Variants in FAM167A observed in about 807,000 individuals in gnomAD.
The protein encoded by FAM167A is protein FAM167A.
In FAM167A, 23 loss-of-function variants were observed where a neutral mutation model predicts 14.9. The observed-to-expected ratio is 1.55, with a 90% CI of 1.11 to 2.19. FAM167A has a LOEUF of 2.19. FAM167A is among the 30% of genes most tolerant of loss of function. The pLI is 0.00. For missense variants in FAM167A, 401 were observed against 281.5 expected (o/e 1.42, Z -3.04); for synonymous variants, 174 against 117.7 (o/e 1.48, Z -3.10).
At chr8:11,435,028 T>TC (rs778546205) in intron 2 of FAM167A, 4 of 456,614 alleles carry the variant, frequency 8.8e-6, no homozygotes, top group South Asian at 1.5e-5. Context: ...CCTGCCTGCC[T>TC]CCCCCCCTCA....
At chr8:11,474,995 T>A (rs1241626200) in intron 1 of FAM167A, among the ~76,000 whole-genome samples, 1 of 152,110 alleles carries the variant, frequency 6.6e-6, no homozygotes, top group East Asian at 1.9e-4. Context: ...AGCAGCCAAG[T>A]GTCCTGGAGT....
At chr8:11,454,190 T>C (rs539113346) in intron 1 of FAM167A, among the ~76,000 whole-genome samples, 53 of 152,326 alleles carry the variant, frequency 3.5e-4, no homozygotes, top group African/African-American at 1.2e-3. Flanking sequence ...GGGTTGCCCA[T>C]GGCTCTGCTG....
intron 1 of FAM167A, chr8:11,445,246 A>G: frequency 2.0e-6 from 2 of 985,330 alleles, no homozygotes; most frequent in Non-Finnish European, 2.4e-6. Flanking sequence ...GGGTCCCCAG[A>G]GCCAGCCAGC....
rs1804973239 is a variant in FAM167A at position 11,424,297 on chromosome 8, C to G, written c.*76G>C. On this transcript the variant is annotated 3_prime_UTR_variant, in exon 3 of 3. Coordinates refer to ENST00000284486, the MANE Select transcript of FAM167A (RefSeq NM_053279.3). ...GCCTCCGGGAGACCCACTGGAGTAACTTGGCCTCAGCTTCCTCTGACACCC... is the reference window on the plus strand; with the variant it reads ...GCCTCCGGGAGACCCACTGGAGTAAGTTGGCCTCAGCTTCCTCTGACACCC... 1.3e-6 allele frequency: 2 copies of G among 1,584,820 alleles called. No individual in the cohort carries two copies. The highest frequency in any genetic ancestry group is 1.7e-6 in the Non-Finnish European group (2 of 1,163,012).
intron 1 of FAM167A, among the ~76,000 whole-genome samples, chr8:11,464,735 G>A (rs1384946715): frequency 6.6e-6 from 1 of 152,182 alleles, no homozygotes; most frequent in Non-Finnish European, 1.5e-5. Context: ...TGGGAATACC[G>A]GGGCTCCTGT....
intron 2 of FAM167A, among the ~76,000 whole-genome samples, chr8:11,443,011 C>G (rs993390802): frequency 6.6e-6 from 1 of 152,212 alleles, no homozygotes; most frequent in South Asian, 2.1e-4. Context: ...CCAAGCAGGC[C>G]TCAGCCTACC....
intron 1 of FAM167A, among the ~76,000 whole-genome samples, chr8:11,452,582 C>A (rs961097110): frequency 2.0e-5 from 3 of 152,212 alleles, no homozygotes; most frequent in Non-Finnish European, 2.9e-5. Context: ...TCCCTCCCTT[C>A]TCATCATCAG....
intron 2 of FAM167A, among the ~76,000 whole-genome samples, chr8:11,436,192 G>C (rs1331621644): frequency 1.3e-5 from 2 of 152,228 alleles, no homozygotes; most frequent in Non-Finnish European, 2.9e-5. Flanking sequence ...ACGTCAAAGG[G>C]CTGGTAATGC....
intron 1 of FAM167A, among the ~76,000 whole-genome samples, chr8:11,474,448 G>A (rs1414480409): frequency 6.6e-6 from 1 of 152,176 alleles, no homozygotes; most frequent in African/African-American, 2.4e-5. Flanking sequence ...ACAGACTCCA[G>A]AGCACTTCCT....
At chr8:11,451,512 C>T (rs527272499) in intron 1 of FAM167A, among the ~76,000 whole-genome samples, 1 of 152,328 alleles carries the variant, frequency 6.6e-6, no homozygotes, top group African/African-American at 2.4e-5. Flanking sequence ...TGTCTGTTTG[C>T]CATATCCAAC....
chr8:11,425,983 G>A (rs764504006), intron 2 of FAM167A, among the ~76,000 whole-genome samples: 3 of 152,024 alleles, frequency 2.0e-5, no homozygotes, highest in Non-Finnish European at 4.4e-5. Flanking sequence ...GATTAAATGA[G>A]AGTCTGGCAA....
At chr8:11,431,734 C>A (rs1805605786) in intron 2 of FAM167A, among the ~76,000 whole-genome samples, 1 of 151,642 alleles carries the variant, frequency 6.6e-6, no homozygotes, top group Non-Finnish European at 1.5e-5. Context: ...AATGGGGGCC[C>A]AGCCTGGACA....
At chr8:11,439,819 T>A (rs961535602) in intron 2 of FAM167A, among the ~76,000 whole-genome samples, 2 of 152,104 alleles carry the variant, frequency 1.3e-5, no homozygotes, top group Admixed American at 1.3e-4. Context: ...CAAGGGGAAC[T>A]TGTGGGTGTG....
In FAM167A at chr8:11,424,498, G is replaced by A. The variant is rs749519377; in HGVS notation, c.520C>T (p.Arg174Trp). Residue 174 changes from arginine to tryptophan, a missense_variant, in exon 3 of 3, where the codon CGG (arginine) becomes TGG (tryptophan). Arg to Trp is a moderately radical substitution (Grantham distance 101). Coordinates refer to ENST00000284486, the MANE Select transcript of FAM167A (RefSeq NM_053279.3). ...CAGAAGAGGTCGGCCAGCTCATCCC[G>A]CTCCTCCAGCTCGTAGGTGGCATCG... ...LNDATYELEERDELADLFCDS... is the reference protein window; with the variant it reads ...LNDATYELEEWDELADLFCDS... 5.6e-6 allele frequency: 9 copies of A among 1,614,076 alleles called. No homozygotes were observed. Among genetic ancestry groups the A allele is most frequent in the East Asian group, 4.5e-5 (2 of 44,880 alleles).
chr8:11,462,808 C>G (rs539698415), intron 1 of FAM167A, among the ~76,000 whole-genome samples: 1 of 152,224 alleles, frequency 6.6e-6, no homozygotes, highest in Admixed American at 6.5e-5. Flanking sequence ...CCAGAGGCAG[C>G]AGGGACAGGC....
chr8:11,437,212 C>T (rs1806080541), intron 2 of FAM167A, among the ~76,000 whole-genome samples: 1 of 152,176 alleles, frequency 6.6e-6, no homozygotes, highest in Non-Finnish European at 1.5e-5. Context: ...CAAATTCCTG[C>T]TCTGCTGATT....
At chr8:11,470,900 C>T (rs1024621627), upstream of FAM167A, among the ~76,000 whole-genome samples, 9 of 152,130 alleles carry the variant, frequency 5.9e-5, no homozygotes, top group African/African-American at 2.2e-4. Context: ...CTCCTCCCTG[C>T]TCTCATCTCT....
At chr8:11,475,292 G>T (rs1362299075) in intron 1 of FAM167A, among the ~76,000 whole-genome samples, 1 of 152,154 alleles carries the variant, frequency 6.6e-6, no homozygotes, top group Non-Finnish European at 1.5e-5. Flanking sequence ...CTGCACCCTT[G>T]TGCATGCTCA....
rs1554521058 is a variant in FAM167A at position 11,422,373 on chromosome 8, G to GTGTGGGTGTGTGT, written c.*1999_*2000insACACACACCCACA. ...TCTCTGTCGTGTGTGTGTGTGTGGG[G>GTGTGGGTGTGTGT]GTGTGTGTGTGTGTGTGTGTGTGTG... On this transcript the variant is annotated 3_prime_UTR_variant, in exon 3 of 3. Coordinates refer to ENST00000284486, the MANE Select transcript of FAM167A (RefSeq NM_053279.3). 8.3e-6 allele frequency: 1 copy of GTGTGGGTGTGTGT among 120,196 alleles called. No individual in the cohort carries two copies. The highest frequency in any genetic ancestry group is 8.1e-5 in the Admixed American group (1 of 12,284). 7.4% of individuals were successfully genotyped at this position (120,196 alleles called of 1,614,324 possible). A position where few individuals can be genotyped will look rare whatever the true frequency, so the allele number is the denominator to read the frequency against.
Sources: allele counts gnomAD v4.1 joint callset (sites outside exome capture counted in the v4.1 genomes callset), GRCh38; gene constraint gnomAD v4.1.1; transcripts MANE v1.5; gene names NCBI Gene and HGNC (gene_info 2026-07-23, HGNC 2026-07-21).